CNTN5: variants seen among roughly 807,000 people sequenced by gnomAD.
CNTN5 encodes contactin-5.
A neutral mutation model predicts 129.1 loss-of-function variants in CNTN5; 77 were observed. The ratio of observed to expected loss-of-function variants is 0.60; its 90% CI spans 0.50 to 0.72. CNTN5 has a LOEUF of 0.72. CNTN5 is among the 30% of genes least tolerant of loss of function. CNTN5 has a pLI of 0.00. For synonymous variants in CNTN5, 509 were observed against 465.6 expected (o/e 1.09, Z -1.20); for missense variants, 1,478 against 1,328.8 (o/e 1.11, Z -1.75).
intron 2 of CNTN5, among the ~76,000 whole-genome samples, chr11:99,510,562 A>G (rs184751167): frequency 6.6e-6 from 1 of 152,214 alleles, no homozygotes; most frequent in South Asian, 2.1e-4. Context: ...ATGAGTATGC[A>G]TACAGTCATG....
chr11:99,123,325 G>A (rs1221129653), intron 1 of CNTN5, among the ~76,000 whole-genome samples: 1 of 151,822 alleles, frequency 6.6e-6, no homozygotes, highest in Non-Finnish European at 1.5e-5. Flanking sequence ...TCATATGCTT[G>A]ATGGCCACAT....
intron 3 of CNTN5, among the ~76,000 whole-genome samples, chr11:99,694,759 T>A (rs1002584794): frequency 6.6e-6 from 1 of 151,866 alleles, no homozygotes; most frequent in African/African-American, 2.4e-5. Context: ...TATATAAGAG[T>A]GAGAACATGC....
intron 3 of CNTN5, among the ~76,000 whole-genome samples, chr11:99,574,679 A>C (rs1185262057): frequency 6.6e-6 from 1 of 151,930 alleles, no homozygotes; most frequent in Non-Finnish European, 1.5e-5. Context: ...GCTTTTTTTC[A>C]TATCTTTGTT....
intron 13 of CNTN5, among the ~76,000 whole-genome samples, chr11:100,082,930 G>C (rs1944416443): frequency 6.6e-6 from 1 of 152,054 alleles, no homozygotes; most frequent in African/African-American, 2.4e-5. Context: ...TGGGATGCCA[G>C]CATCTCCTTC....
intron 2 of CNTN5, among the ~76,000 whole-genome samples, chr11:99,436,060 A>G: frequency 6.6e-6 from 1 of 152,204 alleles, no homozygotes; most frequent in South Asian, 2.1e-4. Flanking sequence ...CTACTAATGC[A>G]TGATCTCATA....
At chr11:100,124,570 G>T (rs147814116) in intron 13 of CNTN5, among the ~76,000 whole-genome samples, 2 of 152,008 alleles carry the variant, frequency 1.3e-5, no homozygotes, top group African/African-American at 4.8e-5. Context: ...TTCTGGCAAT[G>T]AGCCCTGGGA....
rs555289367 is a variant in CNTN5 at position 99,696,280 on chromosome 11, C to T, written c.56-123264C>T. Among the ~76,000 whole-genome samples, 8 of 152,260 alleles carry T rather than the reference C, an allele frequency of 5.3e-5. No individual in the cohort carries two copies. The East Asian group carries it at 1.5e-3, about 29-fold the overall frequency. On this transcript the variant is annotated intron_variant, in intron 3 of 24. Coordinates refer to ENST00000524871, the MANE Select transcript of CNTN5 (RefSeq NM_014361.4). The stretch of plus-strand genomic sequence containing the variant: ...GAGGAATATTATAACCAAGCATACT[C>T]TCACAGAGTTTAAACTCAAATCATG...
At chr11:100,236,336 G>A (rs772575068) in intron 16 of CNTN5, among the ~76,000 whole-genome samples, 43 of 152,148 alleles carry the variant, frequency 2.8e-4, no homozygotes, top group Non-Finnish European at 1.5e-4. Flanking sequence ...GAGGAAAGCC[G>A]CTGGCATTGC....
intron 9 of CNTN5, among the ~76,000 whole-genome samples, chr11:100,009,500 T>C (rs545883204): frequency 6.6e-6 from 1 of 152,186 alleles, no homozygotes; most frequent in Admixed American, 6.6e-5. Flanking sequence ...AAAGACTGGT[T>C]TAGACATATG....
At chr11:99,716,770 C>A (rs1189253998) in intron 3 of CNTN5, among the ~76,000 whole-genome samples, 1 of 152,042 alleles carries the variant, frequency 6.6e-6, no homozygotes, top group African/African-American at 2.4e-5. Context: ...ACTCTAAGGA[C>A]ATAATATATT....
intron 6 of CNTN5, among the ~76,000 whole-genome samples, chr11:99,915,243 C>A (rs190912487): frequency 1.3e-5 from 2 of 151,906 alleles, no homozygotes; most frequent in East Asian, 1.9e-4. Flanking sequence ...AGGAAAGGAG[C>A]GTAAGTACTG....
chr11:99,627,600 A>T (rs1951177720), intron 3 of CNTN5, among the ~76,000 whole-genome samples: 1 of 152,100 alleles, frequency 6.6e-6, no homozygotes, highest in Non-Finnish European at 1.5e-5. Flanking sequence ...CTCAGAATTA[A>T]TTTATTATAC....
intron 1 of CNTN5, among the ~76,000 whole-genome samples, chr11:99,229,874 CT>C (rs1274752213): frequency 1.3e-5 from 2 of 151,940 alleles, no homozygotes; most frequent in Middle Eastern, 3.2e-3. Context: ...AAAAGAGTAT[CT>C]GTCTATCTAT....
At chr11:100,286,399 C>G (rs1473346395) in intron 18 of CNTN5, among the ~76,000 whole-genome samples, 1 of 151,698 alleles carries the variant, frequency 6.6e-6, no homozygotes, top group East Asian at 2.0e-4. Context: ...CAGCACGCAG[C>G]TGGAGATCTG....
intron 2 of CNTN5, among the ~76,000 whole-genome samples, chr11:99,427,196 G>C (rs555381824): frequency 3.3e-5 from 5 of 152,140 alleles, no homozygotes; most frequent in Non-Finnish European, 7.4e-5. Flanking sequence ...GTCCTGAATC[G>C]TAAGTGAAGG....
chr11:100,122,756 A>G (rs969331592), intron 13 of CNTN5, among the ~76,000 whole-genome samples: 3 of 152,076 alleles, frequency 2.0e-5, no homozygotes, highest in African/African-American at 7.2e-5. Context: ...TAGTGGTGGT[A>G]AAACATGGAG....
chr11:100,158,953 G>A (rs561712775), intron 13 of CNTN5, among the ~76,000 whole-genome samples: 38 of 151,942 alleles, frequency 2.5e-4, no homozygotes, highest in Admixed American at 3.9e-4. Context: ...ATTCATGACA[G>A]TGTATTCAGA....
intron 3 of CNTN5, among the ~76,000 whole-genome samples, chr11:99,728,269 A>G (rs933598667): frequency 6.6e-6 from 1 of 152,198 alleles, no homozygotes; most frequent in African/African-American, 2.4e-5. Flanking sequence ...AATGTGTACA[A>G]TATTTGTGAG....
chr11:99,470,249 ATACC>A (rs1296549062), intron 2 of CNTN5, among the ~76,000 whole-genome samples: 1 of 152,146 alleles, frequency 6.6e-6, no homozygotes, highest in Non-Finnish European at 1.5e-5. Context: ...TCCTCCAATC[ATACC>A]TGCCCAAGTC....
Sources: allele counts gnomAD v4.1 joint callset (sites outside exome capture counted in the v4.1 genomes callset), GRCh38; gene constraint gnomAD v4.1.1; transcripts MANE v1.5; gene names NCBI Gene and HGNC (gene_info 2026-07-23, HGNC 2026-07-21).